The following TNIP3 variants were observed in gnomAD, a reference collection of about 807,000 sequenced individuals.
The protein encoded by TNIP3 is TNFAIP3-interacting protein 3.
TNIP3 carries 34 observed loss-of-function variants against 54.1 expected under a neutral mutation model. The ratio of observed to expected loss-of-function variants is 0.63; its 90% CI spans 0.48 to 0.84. TNIP3 has a LOEUF of 0.84. TNIP3 is among the 40% of genes least tolerant of loss of function. The pLI, the probability that TNIP3 is intolerant of heterozygous loss-of-function variation, is 0.00. For synonymous variants in TNIP3, 134 were observed against 136.8 expected, an observed-to-expected ratio of 0.98 and a Z score of 0.14; for missense variants, 366 against 387.6, an observed-to-expected ratio of 0.94 and a Z score of 0.47.
At chr4:121,191,249 G>T (rs1314584084) in intron 2 of TNIP3, among the ~76,000 whole-genome samples, 2 of 152,174 alleles carry the variant, frequency 1.3e-5, no homozygotes, top group African/African-American at 4.8e-5. Flanking sequence ...TTATGAACAA[G>T]GCTGAGCCCC....
chr4:121,134,099 A>C (rs1728637016), intron 10 of TNIP3, among the ~76,000 whole-genome samples: 1 of 152,230 alleles, frequency 6.6e-6, no homozygotes, highest in Non-Finnish European at 1.5e-5. Flanking sequence ...GGTTAGTATT[A>C]GACATTAGTA....
At chr4:121,199,409 T>C (rs1725765033) in intron 2 of TNIP3, among the ~76,000 whole-genome samples, 1 of 152,180 alleles carries the variant, frequency 6.6e-6, no homozygotes, top group African/African-American at 2.4e-5. Flanking sequence ...ACAATATTAC[T>C]ATGTTTCTAG....
chr4:121,157,403 C>G, intron 3 of TNIP3, 160 bp from the exon 4 acceptor site: 1 of 871,902 alleles, frequency 1.1e-6, no homozygotes, highest in South Asian at 1.7e-5. Context: ...GATCGGGATA[C>G]TCGCGTTTCA....
chr4:121,202,508 T>G lies in TNIP3; in HGVS notation c.68+13907A>C, dbSNP rs549302116. Reference sequence around the variant, plus strand: ...CCTTTCTAGACATTGGCAAAACCTTTCTAGACATTGGCTTAGGTAAAGACT... The same window carrying G: ...CCTTTCTAGACATTGGCAAAACCTTGCTAGACATTGGCTTAGGTAAAGACT... On this transcript the variant is annotated intron_variant, in intron 2 of 12. Transcript: ENST00000507879. Among the ~76,000 whole-genome samples the G allele has an allele frequency of 6.4e-4, 98 of 152,196 alleles. 2 individuals carry two copies. The highest frequency in any genetic ancestry group is 2.2e-3 in the African/African-American group (90 of 41,550).
chr4:121,215,183 C>T (rs938521531), intron 2 of TNIP3, among the ~76,000 whole-genome samples: 4 of 152,018 alleles, frequency 2.6e-5, no homozygotes, highest in Non-Finnish European at 4.4e-5. Context: ...TAATGGTACC[C>T]CTTGTCAAGT....
intron 2 of TNIP3, among the ~76,000 whole-genome samples, chr4:121,193,168 AG>A (rs1386484544): frequency 6.6e-6 from 1 of 152,194 alleles, no homozygotes; most frequent in East Asian, 1.9e-4. Flanking sequence ...CTATACAAAA[AG>A]ATTGGGACAC....
At chr4:121,157,018 G>T in intron 4 of TNIP3, 76 bp downstream of exon 4, 2 of 1,588,498 alleles carry the variant, frequency 1.3e-6, no homozygotes, top group Non-Finnish European at 1.7e-6. Flanking sequence ...AAAACGGTAG[G>T]TTTTCTACAG....
intron 3 of TNIP3, among the ~76,000 whole-genome samples, chr4:121,173,647 G>A (rs572451068): frequency 1.3e-5 from 2 of 151,974 alleles, no homozygotes; most frequent in South Asian, 4.2e-4. Context: ...TTTTTTCTTT[G>A]AGATGGAATC....
intron 1 of TNIP3, among the ~76,000 whole-genome samples, chr4:121,223,156 C>T (rs901165327): frequency 6.6e-6 from 1 of 152,164 alleles, no homozygotes; most frequent in Admixed American, 6.5e-5. Context: ...AGTAACGGAT[C>T]GCTTTCATAT....
At chr4:121,150,902 C>A (rs1444382061) in intron 5 of TNIP3, among the ~76,000 whole-genome samples, 2 of 152,184 alleles carry the variant, frequency 1.3e-5, no homozygotes, top group African/African-American at 2.4e-5. Flanking sequence ...GGAGAGAGTG[C>A]CCTGCTTTCT....
At chr4:121,148,529 T>A (rs1011905054) in intron 6 of TNIP3, among the ~76,000 whole-genome samples, 2 of 152,178 alleles carry the variant, frequency 1.3e-5, no homozygotes, top group African/African-American at 4.8e-5. Context: ...TTTGAAGAAA[T>A]CCTGGCTAGC....
intron 3 of TNIP3, among the ~76,000 whole-genome samples, chr4:121,174,018 A>G (rs1254671728): frequency 6.6e-6 from 1 of 152,196 alleles, no homozygotes; most frequent in Non-Finnish European, 1.5e-5. Context: ...AGATGAGCAA[A>G]AGGCACATCT....
At chr4:121,203,400 C>G (rs1434813530) in intron 2 of TNIP3, among the ~76,000 whole-genome samples, 1 of 152,092 alleles carries the variant, frequency 6.6e-6, no homozygotes, top group Non-Finnish European at 1.5e-5. Flanking sequence ...TTCTCACTCA[C>G]AAGTGGGAGC....
At chr4:121,159,787 G>A (rs561240279) in intron 2 of TNIP3, among the ~76,000 whole-genome samples, 2 of 152,208 alleles carry the variant, frequency 1.3e-5, no homozygotes, top group Non-Finnish European at 2.9e-5. Flanking sequence ...ATGATATGTG[G>A]TTGGCTTTTT....
intron 2 of TNIP3, among the ~76,000 whole-genome samples, chr4:121,188,338 T>C (rs1579463582): frequency 6.6e-6 from 1 of 152,064 alleles, no homozygotes; most frequent in Non-Finnish European, 1.5e-5. Context: ...CTAAGTTATA[T>C]ATTATTGTGA....
chr4:121,137,915 G>A, intron 10 of TNIP3: 1 of 455,878 alleles, frequency 2.2e-6, no homozygotes, highest in South Asian at 1.6e-5. Flanking sequence ...TATACTTGAT[G>A]AGAATAGAAG....
At position 121,150,162 on chromosome 4, in the gene TNIP3, A is replaced by T. The variant is rs1197534900; in HGVS notation, c.550T>A (p.Ser184Thr). ...TCCTCATGGCAGAATTCCACTCGAG[A>T]CTTCCTCAAACAGTCCTCGGAAAAT... Reference protein sequence around the residue: ...CSFSEDCLRKSRVEFCHEEMR... With the variant: ...CSFSEDCLRKTRVEFCHEEMR... Residue 184 changes from serine (S) to threonine (T), a missense_variant, in exon 6 of 11, where the codon TCT becomes ACT. Transcript: ENST00000057513. 1.2e-6 allele frequency: 2 copies of T among 1,613,764 alleles called. No individual in the cohort carries two copies. Among genetic ancestry groups the T allele is most frequent in the Admixed American group, 3.3e-5 (2 of 59,978 alleles).
At chr4:121,226,388 A>G (rs1164509433) in intron 1 of TNIP3, among the ~76,000 whole-genome samples, 9 of 152,276 alleles carry the variant, frequency 5.9e-5, no homozygotes, top group Admixed American at 2.6e-4. Context: ...AAAGTTGAGA[A>G]GATCATATCT....
chr4:121,201,026 G>T (rs6812399), intron 2 of TNIP3, among the ~76,000 whole-genome samples: 1 of 151,964 alleles, frequency 6.6e-6, no homozygotes, highest in South Asian at 2.1e-4. Flanking sequence ...TGCTGGGGAA[G>T]AGAGTAGGAG....
Sources: allele counts gnomAD v4.1 joint callset (sites outside exome capture counted in the v4.1 genomes callset), GRCh38; gene constraint gnomAD v4.1.1; transcripts MANE v1.5; gene names NCBI Gene and HGNC (gene_info 2026-07-23, HGNC 2026-07-21).